PHACTR1: variants seen among roughly 807,000 people sequenced by gnomAD.
PHACTR1 encodes phosphatase and actin regulator 1.
PHACTR1 carries 16 observed loss-of-function variants against 69.2 expected under a neutral mutation model. The observed-to-expected ratio is 0.23, with a 90% confidence interval of 0.16 to 0.35. The LOEUF (loss-of-function observed/expected upper bound fraction) is 0.35. Ranked by LOEUF, PHACTR1 falls within the 10% of genes least tolerant of loss-of-function variation. The probability of loss-of-function intolerance (pLI) is 1.00; values close to 1 mark genes in which losing one functional copy is unlikely to be tolerated. For synonymous variants in PHACTR1, 312 were observed against 284.5 expected, an observed-to-expected ratio of 1.10 and a Z score of -0.97; for missense variants, 510 against 734.7, an observed-to-expected ratio of 0.69 and a Z score of 3.54.
At chr6:12,743,938 G>GA (rs1476789946) in intron 3 of PHACTR1, among the ~76,000 whole-genome samples, 3 of 152,126 alleles carry the variant, frequency 2.0e-5, no homozygotes, top group Admixed American at 2.0e-4. Flanking sequence ...TAAAAGAACA[G>GA]AAATTATAAC....
intron 4 of PHACTR1, among the ~76,000 whole-genome samples, chr6:12,911,779 C>A (rs913171360): frequency 6.6e-6 from 1 of 152,102 alleles, no homozygotes; most frequent in African/African-American, 2.4e-5. Context: ...TGCCTTTGTA[C>A]CCTTTCCAAA....
chr6:13,040,188 T>G (rs1015502547), intron 4 of PHACTR1, among the ~76,000 whole-genome samples: 1 of 152,198 alleles, frequency 6.6e-6, no homozygotes, highest in African/African-American at 2.4e-5. Context: ...CATCATAACC[T>G]CCTGCACTCA....
chr6:13,103,817 C>T (rs761076984), intron 5 of PHACTR1, among the ~76,000 whole-genome samples: 3 of 152,204 alleles, frequency 2.0e-5, no homozygotes, highest in Admixed American at 6.5e-5. Context: ...GGTGCAGTGG[C>T]GCATGCCTGT....
At position 13,125,716 on chromosome 6, in the gene PHACTR1, C is replaced by G. The variant is rs147221127; in HGVS notation, c.416-34488C>G. ...GGCCAATGCAGGCAAATCACTTGAG[C>G]CCAGGAGTTTGAGACCAGCCTGGGC... On this transcript the variant is annotated intron_variant, in intron 5 of 14. Transcript: ENST00000332995. 4.1e-3 allele frequency among the ~76,000 whole-genome samples: 622 copies of G among 152,136 alleles called. 3 individuals are homozygous for G. Among genetic ancestry groups the G allele is most frequent in the Middle Eastern group, 6.8e-3 (2 of 294 alleles).
At position 13,179,391 on chromosome 6, in the gene PHACTR1, T is replaced by C. The variant is rs1446084103; in HGVS notation, c.497-3128T>C. On this transcript the variant is annotated intron_variant, in intron 6 of 14. Transcript: ENST00000332995. This position sits in a 1 kb window ranked among gnomAD's most constrained non-coding sequence, Gnocchi z 4.2. ...CTTAATGATGGGTATATACAGCCCA[T>C]TACATTAATGTTTCGTGTGTGTGTG... Among the ~76,000 whole-genome samples the C allele has an allele frequency of 6.9e-6, 1 of 145,022 alleles. No individual in the cohort carries two copies. The highest frequency in any genetic ancestry group is 7.0e-5 in the Admixed American group (1 of 14,294).
intron 4 of PHACTR1, 88 bp downstream of exon 4, chr6:12,749,878 C>A: frequency 2.4e-6 from 3 of 1,238,160 alleles, no homozygotes; most frequent in African/African-American, 1.5e-5. Flanking sequence ...CGGGCGTCCT[C>A]CCCGCCGCCC....
chr6:12,840,089 TATC>T (rs1229311402), intron 4 of PHACTR1, among the ~76,000 whole-genome samples: 1 of 152,138 alleles, frequency 6.6e-6, no homozygotes, highest in East Asian at 1.9e-4. Context: ...TCAAGCAAGC[TATC>T]ATTCCTTCCC....
At position 12,765,078 on chromosome 6, in the gene PHACTR1, A is replaced by G. The variant is rs537103399; in HGVS notation, c.250+15288A>G. 5.9e-5 allele frequency among the ~76,000 whole-genome samples: 9 copies of G among 152,302 alleles called. No homozygotes were observed. In the South Asian group the frequency reaches 1.9e-3, roughly 32 times the overall value. On this transcript the variant is annotated intron_variant, in intron 4 of 14. Transcript: ENST00000332995. ...AGAATTTGGTTAAAGGGGGATAGGAAGTGAAGTACCTGGCGTAGTCAATGC... is the reference window on the plus strand; with the variant it reads ...AGAATTTGGTTAAAGGGGGATAGGAGGTGAAGTACCTGGCGTAGTCAATGC...
chr6:13,132,474 T>A (rs558062022), intron 5 of PHACTR1, among the ~76,000 whole-genome samples: 1 of 152,310 alleles, frequency 6.6e-6, no homozygotes, highest in South Asian at 2.1e-4. Context: ...CCGCAGCAGA[T>A]GCTTACTAAG....
intron 3 of PHACTR1, among the ~76,000 whole-genome samples, chr6:12,724,641 C>G (rs1012634152): frequency 6.6e-6 from 1 of 152,184 alleles, no homozygotes; most frequent in Non-Finnish European, 1.5e-5. Context: ...ATCAAATCAA[C>G]CCCGCAGATC....
chr6:12,953,935 CATATT>C (rs1273660568), intron 4 of PHACTR1, among the ~76,000 whole-genome samples: 1 of 152,094 alleles, frequency 6.6e-6, no homozygotes, highest in Non-Finnish European at 1.5e-5. Flanking sequence ...CCTTGTATAG[CATATT>C]ATAAGATTAT....
At chr6:13,044,775 G>A (rs1179486240) in intron 4 of PHACTR1, among the ~76,000 whole-genome samples, 2 of 152,176 alleles carry the variant, frequency 1.3e-5, no homozygotes, top group Admixed American at 6.5e-5. Flanking sequence ...CATTTTCTAA[G>A]TGAAGCATAT....
In PHACTR1 at chr6:12,833,604, T is replaced by C. The variant is rs565694761; in HGVS notation, c.250+83814T>C. The stretch of plus-strand genomic sequence containing the variant: ...ACATCTGAATATCTACTTCTGTCCA[T>C]GTTCATCACCACGTTCATTGTATTT... On this transcript the variant is annotated intron_variant, in intron 4 of 14. Coordinates refer to ENST00000332995, the MANE Select transcript of PHACTR1 (RefSeq NM_030948.6). Among the ~76,000 whole-genome samples the C allele has an allele frequency of 1.4e-4, 22 of 152,322 alleles. No individual in the cohort carries two copies. In the East Asian group the frequency reaches 4.2e-3, roughly 29 times the overall value.
chr6:12,821,530 A>G (rs1319712539), intron 4 of PHACTR1, among the ~76,000 whole-genome samples: 1 of 149,676 alleles, frequency 6.7e-6, no homozygotes. Context: ...AGTGTGGCTC[A>G]GGTCCTAAAC....
chr6:12,753,667 T>C (rs1162427915), intron 4 of PHACTR1, among the ~76,000 whole-genome samples: 1 of 152,204 alleles, frequency 6.6e-6, no homozygotes, highest in Non-Finnish European at 1.5e-5. Flanking sequence ...AGATCTGTTT[T>C]GGTTCTGGAT....
At chr6:13,277,310 T>C (rs147524166) in intron 11 of PHACTR1, among the ~76,000 whole-genome samples, 1 of 152,154 alleles carries the variant, frequency 6.6e-6, no homozygotes, top group Non-Finnish European at 1.5e-5. Flanking sequence ...AGTCTACTCT[T>C]CTGAGCCACT....
chr6:13,135,021 A>G (rs1821328064), intron 5 of PHACTR1, among the ~76,000 whole-genome samples: 1 of 152,132 alleles, frequency 6.6e-6, no homozygotes, highest in African/African-American at 2.4e-5. Flanking sequence ...GAAAATTGCC[A>G]ATTCTTCCAT....
intron 7 of PHACTR1, 23 bp from the exon 8 acceptor site, chr6:13,205,792 C>T: frequency 6.4e-7 from 1 of 1,558,696 alleles, no homozygotes; most frequent in South Asian, 1.2e-5. Context: ...TCACATCTGC[C>T]TCTCGCCCTC....
At chr6:12,886,106 C>T (rs1251998360) in intron 4 of PHACTR1, among the ~76,000 whole-genome samples, 1 of 152,032 alleles carries the variant, frequency 6.6e-6, no homozygotes, top group Non-Finnish European at 1.5e-5. Flanking sequence ...AGAAAACAAA[C>T]AAAAACAGAA....
Sources: gnomAD v4.1 joint callset for allele counts (sites outside exome capture counted in the v4.1 genomes callset) on GRCh38, gnomAD v4.1.1 for gene constraint, Gnocchi (gnomAD v3.1) non-coding constraint, MANE v1.5 for transcripts, NCBI Gene and HGNC (gene_info 2026-07-23, HGNC 2026-07-21) for gene names.